Variants in SAMD3 observed in about 807,000 individuals in gnomAD.
The protein encoded by SAMD3 is sterile alpha motif domain-containing protein 3.
Under a neutral mutation model 58.5 loss-of-function variants are expected in SAMD3, and 63 were observed. The ratio of observed to expected loss-of-function variants is 1.08; its 90% CI spans 0.88 to 1.33. The LOEUF is 1.33. Ranked by LOEUF, SAMD3 falls within the 40% of genes most tolerant of loss-of-function variation. The pLI, the probability that SAMD3 is intolerant of heterozygous loss-of-function variation, is 0.00. For synonymous variants in SAMD3, 220 were observed against 210.3 expected (o/e 1.05, Z -0.40); for missense variants, 604 against 608.4 (o/e 0.99, Z 0.08).
rs1795961966 is a variant in SAMD3, at chr6:130,215,638, C to T, written c.-21-344G>A. On this transcript the variant is annotated intron_variant, in intron 2 of 11. Transcript: ENST00000439090. Reference sequence around the variant, plus strand: ...TACCATTAACACCCAGGTTTCTTCACAAAGAAAAGAAAGGTGTGAAATTCA... The same window carrying T: ...TACCATTAACACCCAGGTTTCTTCATAAAGAAAAGAAAGGTGTGAAATTCA... 4 of 1,386,780 alleles carry T rather than the reference C, an allele frequency of 2.9e-6. No homozygotes were observed. The East Asian group carries it at 1.0e-4, about 36-fold the overall frequency. 85.9% of individuals were successfully genotyped at this position (1,386,780 alleles called of 1,614,324 possible). A position where few individuals can be genotyped will look rare whatever the true frequency, so the allele number is the denominator to read the frequency against.
Position 130,144,694 on chromosome 6 carries a change from A to G in SAMD3, c.1389T>C (p.Val463=), listed in dbSNP as rs1209748381. The change falls in exon 12 of 12, where the codon GTT becomes GTC. Residue 463 remains valine, a synonymous_variant. Transcript: ENST00000439090. ...CAGCTACTAGCGCAGCCAAGGCTGTAACACAGTCGTCCACCTTTGTGAGCC... is the reference window on the plus strand; with the variant it reads ...CAGCTACTAGCGCAGCCAAGGCTGTGACACAGTCGTCCACCTTTGTGAGCC... ...RERLTKVDDC[V]TALAALVAAF... is the part of the protein sequence containing the mutation. 2 of 1,613,968 alleles carry G rather than the reference A, an allele frequency of 1.2e-6. No homozygotes were observed. Among genetic ancestry groups the G allele is most frequent in the Non-Finnish European group, 1.7e-6 (2 of 1,180,018 alleles).
intron 5 of SAMD3, among the ~76,000 whole-genome samples, chr6:130,187,338 C>T (rs986612012): frequency 6.6e-6 from 1 of 151,694 alleles, no homozygotes; most frequent in Non-Finnish European, 1.5e-5. Flanking sequence ...GGGGCGGAGA[C>T]TATACTGCAT....
At chr6:130,156,286 A>G (rs1789769567) in intron 8 of SAMD3, among the ~76,000 whole-genome samples, 1 of 151,938 alleles carries the variant, frequency 6.6e-6, no homozygotes, top group Admixed American at 6.6e-5. Flanking sequence ...AGATCACACC[A>G]CTGCACTGCA....
intron 2 of SAMD3, among the ~76,000 whole-genome samples, chr6:130,308,179 G>T (rs1339457029): frequency 6.6e-6 from 1 of 152,016 alleles, no homozygotes; most frequent in African/African-American, 2.4e-5. Flanking sequence ...TGTTAGTCTT[G>T]ACTAAATCAG....
intron 4 of SAMD3, among the ~76,000 whole-genome samples, chr6:130,210,113 C>G (rs1052024825): frequency 6.6e-6 from 1 of 152,210 alleles, no homozygotes; most frequent in Non-Finnish European, 1.5e-5. Context: ...TGGTGAGCTA[C>G]TCAGTAGCAG....
chr6:130,194,711 G>A (rs1167434588), intron 5 of SAMD3, among the ~76,000 whole-genome samples: 1 of 152,178 alleles, frequency 6.6e-6, no homozygotes, highest in Non-Finnish European at 1.5e-5. Flanking sequence ...ACTGGAAATT[G>A]GACTGTTCAA....
intron 1 of SAMD3, among the ~76,000 whole-genome samples, chr6:130,343,536 T>C (rs1777338300): frequency 6.6e-6 from 1 of 152,194 alleles, no homozygotes; most frequent in Admixed American, 6.5e-5. Flanking sequence ...GCTGGTTCAC[T>C]GTGGGGAGAG....
At position 130,175,913 on chromosome 6, in the gene SAMD3, T is replaced by A; in HGVS notation, c.750A>T (p.Gly250=). 6.2e-7 allele frequency: 1 copy of A among 1,613,230 alleles called. No homozygotes were observed. Among genetic ancestry groups the A allele is most frequent in the South Asian group, 1.1e-5 (1 of 91,046 alleles). Residue 250 remains glycine (G), a synonymous_variant, in exon 8 of 12, where the codon GGA becomes GGT. Transcript: ENST00000439090. ...EQVIRNKCKF[G]HRRGQTRKSL... Reference sequence around the variant, plus strand: ...ATTTCCTTGTCTGGCCTCTTCGGTGTCCAAATTTACACTTATTTCTAATCA... The same window carrying A: ...ATTTCCTTGTCTGGCCTCTTCGGTGACCAAATTTACACTTATTTCTAATCA...
At chr6:130,250,929 T>C (rs1375279891) in intron 2 of SAMD3, among the ~76,000 whole-genome samples, 1 of 152,228 alleles carries the variant, frequency 6.6e-6, no homozygotes, top group Non-Finnish European at 1.5e-5. Context: ...TGTAGACATA[T>C]GTTTTCATTT....
intron 1 of SAMD3, among the ~76,000 whole-genome samples, chr6:130,361,722 T>G (rs1258174529): frequency 6.6e-6 from 1 of 152,260 alleles, no homozygotes; most frequent in Non-Finnish European, 1.5e-5. Flanking sequence ...GTGGTTGTAC[T>G]GTTTTGATTG....
At chr6:130,203,429 A>T (rs753927607) in intron 5 of SAMD3, among the ~76,000 whole-genome samples, 1 of 152,192 alleles carries the variant, frequency 6.6e-6, no homozygotes, top group Non-Finnish European at 1.5e-5. Context: ...CTCCAGACTT[A>T]CCAACCCTGG....
chr6:130,299,231 A>C (rs1487161714), intron 2 of SAMD3, among the ~76,000 whole-genome samples: 2 of 152,136 alleles, frequency 1.3e-5, no homozygotes, highest in African/African-American at 4.8e-5. Flanking sequence ...ATCTCAGTAC[A>C]TTTTTAAAAA....
At chr6:130,187,065 TGG>T (rs1480714836) in intron 5 of SAMD3, among the ~76,000 whole-genome samples, 1 of 152,106 alleles carries the variant, frequency 6.6e-6, no homozygotes, top group South Asian at 2.1e-4. Flanking sequence ...CCACCGTGCC[TGG>T]GCCTTCCTAG....
intron 2 of SAMD3, among the ~76,000 whole-genome samples, chr6:130,243,922 T>A (rs1432853642): frequency 6.6e-6 from 1 of 152,198 alleles, no homozygotes; most frequent in Non-Finnish European, 1.5e-5. Flanking sequence ...AATATATATG[T>A]CTGCAACTTT....
At position 130,151,074 on chromosome 6, in the gene SAMD3, C is replaced by T. The variant is rs377757476; in HGVS notation, c.1023+3751G>A. Among the ~76,000 whole-genome samples the T allele has an allele frequency of 4.6e-5, 7 of 152,190 alleles. 1 individual carries two copies. Among genetic ancestry groups the T allele is most frequent in the Middle Eastern group, 6.8e-3 (2 of 294 alleles). On this transcript the variant is annotated intron_variant, in intron 9 of 11. Coordinates refer to ENST00000439090, the MANE Select transcript of SAMD3 (RefSeq NM_001017373.4). ...CTCAGCCAAGGATCCCCAGGGGATC[C>T]GTGTGTAGACTTCGGCCCAGCCCAC...
In SAMD3 at chr6:130,215,100, C is replaced by T; in HGVS notation, c.79+95G>A. ...CCCCACATCCACATTGACATGCACA[C>T]AGACATTTGGCAACAAAAGTAATTT... On this transcript the variant is annotated intron_variant, in intron 3 of 11. Coordinates refer to ENST00000439090, the MANE Select transcript of SAMD3 (RefSeq NM_001017373.4). 4.5e-6 allele frequency: 3 copies of T among 668,332 alleles called. No homozygotes were observed. In the South Asian group the frequency reaches 5.9e-5, roughly 13 times the overall value. The allele number at this position is 668,332 out of a possible 1,614,324, so 41.4% of individuals were successfully genotyped here. A position where few individuals can be genotyped will look rare whatever the true frequency, so the allele number is the denominator to read the frequency against.
At chr6:130,239,043 G>T (rs1227990659) in intron 2 of SAMD3, among the ~76,000 whole-genome samples, 1 of 152,164 alleles carries the variant, frequency 6.6e-6, no homozygotes, top group Non-Finnish European at 1.5e-5. Context: ...ACAGGCGTGA[G>T]CCATCATCCC....
At chr6:130,291,040 T>C (rs1236806520) in intron 2 of SAMD3, among the ~76,000 whole-genome samples, 3 of 152,174 alleles carry the variant, frequency 2.0e-5, no homozygotes, top group African/African-American at 4.8e-5. Context: ...TTCATTCTGA[T>C]GTGTGGTTCA....
At chr6:130,147,811 T>G (rs1183631611) in intron 9 of SAMD3, among the ~76,000 whole-genome samples, 1 of 152,194 alleles carries the variant, frequency 6.6e-6, no homozygotes, top group African/African-American at 2.4e-5. Flanking sequence ...TGAAACAACT[T>G]GTTAGTTTCC....
Sources: allele counts gnomAD v4.1 joint callset (sites outside exome capture counted in the v4.1 genomes callset), GRCh38; gene constraint gnomAD v4.1.1; transcripts MANE v1.5; gene names NCBI Gene and HGNC (gene_info 2026-07-23, HGNC 2026-07-21).